CTNND2: variants seen among roughly 807,000 people sequenced by gnomAD.
The protein encoded by CTNND2 is catenin delta 2.
A neutral mutation model predicts 144.4 loss-of-function variants in CTNND2; 22 were observed. The ratio of observed to expected loss-of-function variants is 0.15; its 90% CI spans 0.11 to 0.22. The LOEUF is 0.22. CTNND2 is among the 10% of genes least tolerant of loss of function. The pLI is 1.00. For missense variants in CTNND2, 1,353 were observed against 1,618.8 expected (o/e 0.84, Z 2.82); for synonymous variants, 751 against 695.6 (o/e 1.08, Z -1.25).
rs140962669 is a variant in CTNND2 at position 11,884,346 on chromosome 5, T to C, written c.37+19471A>G. 4.5e-3 allele frequency among the ~76,000 whole-genome samples: 691 copies of C among 152,298 alleles called. 6 individuals carry two copies. Among genetic ancestry groups the C allele is most frequent in the African/African-American group, 0.016 (655 of 41,550 alleles). ...CAGTCTTTAATCCATCTTGAGTTAATTTTTGTATGAGGTACAAGGAAGGGG... is the reference window on the plus strand; with the variant it reads ...CAGTCTTTAATCCATCTTGAGTTAACTTTTGTATGAGGTACAAGGAAGGGG... On this transcript the variant is annotated intron_variant, in intron 1 of 21. Coordinates refer to ENST00000304623, the MANE Select transcript of CTNND2 (RefSeq NM_001332.4).
intron 3 of CTNND2, among the ~76,000 whole-genome samples, chr5:11,413,041 C>T (rs1372218085): frequency 1.3e-5 from 2 of 151,998 alleles, no homozygotes; most frequent in Admixed American, 6.6e-5. Context: ...CCATGACTGG[C>T]GTAAATGAAA....
At chr5:11,374,419 C>T (rs1757725197) in intron 7 of CTNND2, among the ~76,000 whole-genome samples, 1 of 152,140 alleles carries the variant, frequency 6.6e-6, no homozygotes, top group African/African-American at 2.4e-5. Context: ...AACTACCTCT[C>T]CTCCCTGGGA....
chr5:11,543,013 C>T (rs1169251660), intron 3 of CTNND2, among the ~76,000 whole-genome samples: 1 of 152,204 alleles, frequency 6.6e-6, no homozygotes, highest in Non-Finnish European at 1.5e-5. Context: ...AACATGTGTG[C>T]ACCTCTTCTA....
intron 1 of CTNND2, among the ~76,000 whole-genome samples, chr5:11,831,267 G>T (rs1327915025): frequency 6.8e-6 from 1 of 147,492 alleles, no homozygotes; most frequent in Non-Finnish European, 1.5e-5. Flanking sequence ...GCTTGAAAAA[G>T]AAAAACAAAG....
intron 1 of CTNND2, among the ~76,000 whole-genome samples, chr5:11,850,312 T>A (rs1016926782): frequency 6.6e-6 from 1 of 152,128 alleles, no homozygotes; most frequent in Non-Finnish European, 1.5e-5. Context: ...TGTGACAAAT[T>A]AAAAATGATG....
At chr5:11,337,384 T>C (rs1753833946) in intron 9 of CTNND2, among the ~76,000 whole-genome samples, 1 of 152,206 alleles carries the variant, frequency 6.6e-6, no homozygotes, top group South Asian at 2.1e-4. Context: ...CTGACCATTT[T>C]TTTCAAATGC....
intron 9 of CTNND2, among the ~76,000 whole-genome samples, chr5:11,345,481 A>AAATCTATTCC (rs1440334999): frequency 1.3e-5 from 2 of 152,186 alleles, no homozygotes; most frequent in African/African-American, 4.8e-5. Context: ...TTTTGCAAAA[A>AAATCTATTCC]AATCTATTCC....
chr5:11,826,117 T>C (rs1793585539), intron 1 of CTNND2, among the ~76,000 whole-genome samples: 1 of 152,012 alleles, frequency 6.6e-6, no homozygotes, highest in Admixed American at 6.6e-5. Context: ...TTTTTAATCA[T>C]TTAAAAACAT....
intron 1 of CTNND2, among the ~76,000 whole-genome samples, chr5:11,874,514 T>C (rs1416727326): frequency 6.6e-6 from 1 of 152,156 alleles, no homozygotes; most frequent in African/African-American, 2.4e-5. Context: ...ATAAGGGTGA[T>C]GTGAACACAA....
chr5:11,865,404 A>G (rs1298706486), intron 1 of CTNND2, among the ~76,000 whole-genome samples: 1 of 147,382 alleles, frequency 6.8e-6, no homozygotes, highest in Non-Finnish European at 1.5e-5. Flanking sequence ...TGAGAAAGGG[A>G]GAGAATTTAT....
intron 3 of CTNND2, among the ~76,000 whole-genome samples, chr5:11,562,424 GACAA>G (rs766948513): frequency 1.1e-3 from 168 of 152,294 alleles, no homozygotes; most frequent in African/African-American, 3.0e-3. Context: ...AGTAGGTTAT[GACAA>G]ACAAACAAAC....
rs1429126979 is a variant in CTNND2, at chr5:11,751,557, C to A, written c.38-19285G>T. Among the ~76,000 whole-genome samples, 4 of 151,962 alleles carry A rather than the reference C, an allele frequency of 2.6e-5. No individual in the cohort carries two copies. The East Asian group carries it at 7.7e-4, about 29-fold the overall frequency. On this transcript the variant is annotated intron_variant, in intron 1 of 21. Coordinates refer to ENST00000304623, the MANE Select transcript of CTNND2 (RefSeq NM_001332.4). ...GCTCCATTCATGTTGCTTCAATGAA[C>A]GTGATCTTGTGCTTTTTAATGGCTG...
chr5:11,153,114 A>T (rs887466318), intron 12 of CTNND2, among the ~76,000 whole-genome samples: 11 of 152,066 alleles, frequency 7.2e-5, no homozygotes, highest in Non-Finnish European at 1.3e-4. Flanking sequence ...AAATACAAAA[A>T]TTAGCTGGGT....
At chr5:11,302,155 T>G (rs1749677731) in intron 9 of CTNND2, among the ~76,000 whole-genome samples, 2 of 152,210 alleles carry the variant, frequency 1.3e-5, no homozygotes, top group African/African-American at 4.8e-5. Flanking sequence ...TCTTTGCTTT[T>G]GAATACAATT....
At chr5:11,802,281 A>G (rs1175111789) in intron 1 of CTNND2, among the ~76,000 whole-genome samples, 2 of 151,090 alleles carry the variant, frequency 1.3e-5, no homozygotes, top group African/African-American at 4.9e-5. Context: ...TAAAAAAAAA[A>G]AAAAGTCCAA....
Position 11,018,164 on chromosome 5 carries a change from A to G in CTNND2, c.3000-106T>C, listed in dbSNP as rs936038450. 5 of 735,870 alleles carry G rather than the reference A, an allele frequency of 6.8e-6. No homozygotes were observed. The African/African-American group carries it at 7.0e-5, about 10-fold the overall frequency. The allele number at this position is 735,870 out of a possible 1,614,324, so 45.6% of individuals were successfully genotyped here. On this transcript the variant is annotated intron_variant, in intron 17 of 21. Coordinates refer to ENST00000304623, the MANE Select transcript of CTNND2 (RefSeq NM_001332.4). ...CCTCTTCATTATTATTATATCTATT[A>G]TGGTGATCTATGATCAGTGCTCCCT...
At chr5:11,856,218 T>C (rs919423123) in intron 1 of CTNND2, among the ~76,000 whole-genome samples, 2 of 152,130 alleles carry the variant, frequency 1.3e-5, no homozygotes, top group South Asian at 4.1e-4. Context: ...AAGCAAAATA[T>C]ATTTTCTGCT....
chr5:11,338,246 C>G (rs1403167197), intron 9 of CTNND2, among the ~76,000 whole-genome samples: 1 of 152,144 alleles, frequency 6.6e-6, no homozygotes, highest in Non-Finnish European at 1.5e-5. Context: ...TTGGATTTGG[C>G]TTTTTGCCCC....
intron 12 of CTNND2, among the ~76,000 whole-genome samples, chr5:11,142,207 C>T (rs1027264625): frequency 8.5e-5 from 13 of 152,154 alleles, no homozygotes; most frequent in Non-Finnish European, 1.9e-4. Flanking sequence ...TGATAACTTG[C>T]TCAAATGAAA....
Sources: allele counts gnomAD v4.1 joint callset (sites outside exome capture counted in the v4.1 genomes callset), GRCh38; gene constraint gnomAD v4.1.1; transcripts MANE v1.5; gene names NCBI Gene and HGNC (gene_info 2026-07-23, HGNC 2026-07-21).